Variants in SLC25A21 observed in about 807,000 individuals in gnomAD.
SLC25A21 encodes solute carrier family 25 member 21.
SLC25A21 carries 47 observed loss-of-function variants against 43.8 expected under a neutral mutation model. The observed-to-expected ratio is 1.07, with a 90% CI of 0.85 to 1.37. The LOEUF is 1.37. SLC25A21 is among the 40% of genes most tolerant of loss of function. The probability of loss-of-function intolerance (pLI) is 0.00; values close to 1 mark genes in which losing one functional copy is unlikely to be tolerated. For missense variants in SLC25A21, 352 were observed against 350.2 expected, an observed-to-expected ratio of 1.00 and a Z score of -0.04; for synonymous variants, 131 against 121.3, an observed-to-expected ratio of 1.08 and a Z score of -0.52.
intron 1 of SLC25A21, among the ~76,000 whole-genome samples, chr14:37,161,440 T>C (rs1332858655): frequency 6.6e-6 from 1 of 152,054 alleles, no homozygotes; most frequent in Non-Finnish European, 1.5e-5. Context: ...GACCATAAAT[T>C]TGAGAAACAC....
At chr14:36,755,761 A>G (rs1033787542) in intron 3 of SLC25A21, among the ~76,000 whole-genome samples, 3 of 152,150 alleles carry the variant, frequency 2.0e-5, no homozygotes, top group African/African-American at 7.2e-5. Flanking sequence ...TTTGTACTTA[A>G]TTGATATCTT....
chr14:36,808,721 A>G (rs1462897149), intron 3 of SLC25A21: 1 of 151,982 alleles, frequency 6.6e-6, no homozygotes, highest in Non-Finnish European at 1.5e-5. Flanking sequence ...TGTTGTGTTA[A>G]TAGTGCTGTG....
intron 1 of SLC25A21, among the ~76,000 whole-genome samples, chr14:36,994,758 TCA>T (rs1960336131): frequency 6.6e-6 from 1 of 152,096 alleles, no homozygotes; most frequent in South Asian, 2.1e-4. Flanking sequence ...ACCTCTTCCA[TCA>T]CAGACTCACG....
chr14:36,816,497 C>CTTTT (rs373274280), intron 2 of SLC25A21, among the ~76,000 whole-genome samples: 1 of 131,832 alleles, frequency 7.6e-6, no homozygotes, highest in African/African-American at 2.8e-5. Flanking sequence ...ATATTCTCCT[C>CTTTT]TTTTTTTTTT....
chr14:36,805,343 G>A (rs1888000864), intron 3 of SLC25A21, among the ~76,000 whole-genome samples: 1 of 152,172 alleles, frequency 6.6e-6, no homozygotes, highest in African/African-American at 2.4e-5. Flanking sequence ...CTGTGGTGAT[G>A]ACAGCAGGGA....
chr14:37,026,587 G>A (rs2138761698), intron 1 of SLC25A21, among the ~76,000 whole-genome samples: 1 of 152,254 alleles, frequency 6.6e-6, no homozygotes, highest in Admixed American at 6.5e-5. Context: ...GTGGTATTAT[G>A]TGAAGGAAAA....
Position 36,680,627 on chromosome 14 carries a change from A to G in SLC25A21, c.*31T>C. ...TGGTGCTGCATAGCAAATATCCATT[A>G]TCTCAAGGGGGAAAAACACTTCATA... On this transcript the variant is annotated 3_prime_UTR_variant, in exon 10 of 10. Transcript: ENST00000331299. The G allele has an allele frequency of 6.2e-7, 1 of 1,609,402 alleles. No individual in the cohort carries two copies.
intron 1 of SLC25A21, among the ~76,000 whole-genome samples, chr14:37,000,278 T>C (rs192305572): frequency 6.6e-6 from 1 of 152,148 alleles, no homozygotes; most frequent in African/African-American, 2.4e-5. Context: ...CAAGCCACCA[T>C]CATCTCTTGT....
At chr14:36,686,608 C>T (rs968902476) in intron 7 of SLC25A21, among the ~76,000 whole-genome samples, 2 of 152,166 alleles carry the variant, frequency 1.3e-5, no homozygotes, top group African/African-American at 4.8e-5. Context: ...AAGTGTTGCA[C>T]AAACCTGGCA....
chr14:37,040,264 G>A (rs71204287), intron 1 of SLC25A21, among the ~76,000 whole-genome samples: 163 of 622 alleles, frequency 0.26, 52 homozygotes, highest in Middle Eastern at 1. Flanking sequence ...GGGAGGGAGG[G>A]AGGGAGGAAG....
intron 5 of SLC25A21, 25 bp from the exon 6 acceptor site, chr14:36,725,702 C>T: frequency 6.6e-7 from 1 of 1,507,206 alleles, no homozygotes; most frequent in Non-Finnish European, 9.1e-7. Flanking sequence ...TCAATCAATA[C>T]TTTAAAACAA....
intron 1 of SLC25A21, among the ~76,000 whole-genome samples, chr14:36,890,156 T>C (rs963067143): frequency 6.6e-6 from 1 of 152,010 alleles, no homozygotes; most frequent in African/African-American, 2.4e-5. Flanking sequence ...AGGTATGAAA[T>C]AGTCTTCTGC....
chr14:37,012,892 T>C (rs1960763243), intron 1 of SLC25A21, among the ~76,000 whole-genome samples: 2 of 152,134 alleles, frequency 1.3e-5, no homozygotes, highest in South Asian at 4.1e-4. Flanking sequence ...TGATCATAAA[T>C]AGTCTCCAAA....
intron 4 of SLC25A21, among the ~76,000 whole-genome samples, chr14:36,730,751 T>C (rs562469443): frequency 6.6e-6 from 1 of 152,312 alleles, no homozygotes; most frequent in South Asian, 2.1e-4. Flanking sequence ...CGTTTAATAA[T>C]ACTATTAGAG....
At chr14:36,683,495 C>G (rs1882386335) in intron 9 of SLC25A21, among the ~76,000 whole-genome samples, 1 of 152,184 alleles carries the variant, frequency 6.6e-6, no homozygotes, top group African/African-American at 2.4e-5. Context: ...GTCCCTCACT[C>G]AGTGAAAAGC....
intron 1 of SLC25A21, among the ~76,000 whole-genome samples, chr14:37,058,094 C>T (rs1026128564): frequency 3.3e-5 from 5 of 152,114 alleles, no homozygotes; most frequent in African/African-American, 4.8e-5. Flanking sequence ...TGATCCAAAA[C>T]GTTCAAAATT....
At chr14:36,829,229 C>G (rs1176406061) in intron 2 of SLC25A21, among the ~76,000 whole-genome samples, 2 of 152,040 alleles carry the variant, frequency 1.3e-5, no homozygotes, top group Non-Finnish European at 2.9e-5. Context: ...TGTTCCTTCC[C>G]CTGAGAGGTG....
chr14:36,893,937 C>T (rs1387972611), intron 1 of SLC25A21, among the ~76,000 whole-genome samples: 2 of 152,196 alleles, frequency 1.3e-5, no homozygotes, highest in Non-Finnish European at 2.9e-5. Context: ...GTTTTGGTTA[C>T]TGTAGCCTTG....
At chr14:36,966,149 C>T (rs1002179547) in intron 1 of SLC25A21, among the ~76,000 whole-genome samples, 1 of 152,180 alleles carries the variant, frequency 6.6e-6, no homozygotes, top group African/African-American at 2.4e-5. Context: ...CCAGTCACAG[C>T]CATGACCAAC....
Sources: gnomAD v4.1 joint callset for allele counts (sites outside exome capture counted in the v4.1 genomes callset) on GRCh38, gnomAD v4.1.1 for gene constraint, MANE v1.5 for transcripts, NCBI Gene and HGNC (gene_info 2026-07-23, HGNC 2026-07-21) for gene names.